RORA: variants seen among roughly 807,000 people sequenced by gnomAD.
RORA encodes nuclear receptor ROR-alpha.
RORA carries 7 observed loss-of-function variants against 69.5 expected under a neutral mutation model. The observed-to-expected ratio is 0.10, with a 90% CI of 0.06 to 0.19. RORA has a LOEUF of 0.19. RORA is among the 10% of genes least tolerant of loss of function. The pLI is 1.00. For missense variants in RORA, 457 were observed against 663.0 expected (o/e 0.69, Z 3.41); for synonymous variants, 261 against 240.8 (o/e 1.08, Z -0.78).
chr15:60,730,014 A>C (rs1262938086), intron 1 of RORA, among the ~76,000 whole-genome samples: 1 of 152,184 alleles, frequency 6.6e-6, no homozygotes, highest in Non-Finnish European at 1.5e-5. Flanking sequence ...GTCCCTTTTT[A>C]CATTTATCTC....
At chr15:60,845,871 C>A (rs899587713) in intron 1 of RORA, among the ~76,000 whole-genome samples, 1 of 152,122 alleles carries the variant, frequency 6.6e-6, no homozygotes, top group South Asian at 2.1e-4. Context: ...CTCAGCTTCC[C>A]GAGTAGCAGG....
intron 1 of RORA, among the ~76,000 whole-genome samples, chr15:60,951,274 G>A (rs1893084262): frequency 7.1e-6 from 1 of 139,948 alleles, no homozygotes; most frequent in African/African-American, 2.7e-5. Context: ...AGAATCTCTG[G>A]GACACATTCA....
intron 1 of RORA, among the ~76,000 whole-genome samples, chr15:61,044,538 T>C (rs1029477819): frequency 3.3e-5 from 5 of 152,260 alleles, no homozygotes; most frequent in African/African-American, 1.2e-4. Context: ...TTTTTTTACA[T>C]GAATTACACA....
chr15:60,870,029 T>C (rs1263316121), intron 1 of RORA, among the ~76,000 whole-genome samples: 1 of 152,224 alleles, frequency 6.6e-6, no homozygotes, highest in African/African-American at 2.4e-5. Context: ...CCAAGGAAAA[T>C]ATCTCCATGA....
chr15:61,105,582 G>A (rs1283401128), intron 1 of RORA, among the ~76,000 whole-genome samples: 3 of 152,050 alleles, frequency 2.0e-5, no homozygotes, highest in Admixed American at 6.6e-5. Flanking sequence ...CTCAACGATT[G>A]CCCCTCATCT....
chr15:60,531,754 A>T lies in RORA; in HGVS notation c.282+12T>A. Reference sequence around the variant, plus strand: ...AACATTAATAGAAACAACAACAATTAAAAAGGCTTACCTTGCAGCCTTCAC... The same window carrying T: ...AACATTAATAGAAACAACAACAATTTAAAAGGCTTACCTTGCAGCCTTCAC... On this transcript the variant is annotated intron_variant, in intron 3 of 10. Transcript: ENST00000335670. The surrounding 1 kb of genome is among the most constrained non-coding windows in gnomAD (Gnocchi z 4.8). The T allele has an allele frequency of 6.9e-7, 1 of 1,448,396 alleles. No homozygotes were observed. Among genetic ancestry groups the T allele is most frequent in the Non-Finnish European group, 9.5e-7 (1 of 1,051,448 alleles). The allele number at this position is 1,448,396 out of a possible 1,614,324, so 89.7% of individuals were successfully genotyped here.
Position 60,502,753 on chromosome 15 carries a change from C to G in RORA, c.1183+7G>C, listed in dbSNP as rs1335198837. The G allele has an allele frequency of 2.6e-6, 4 of 1,562,142 alleles. No individual in the cohort carries two copies. In the Admixed American group the frequency reaches 6.7e-5, roughly 26 times the overall value. ...TTTGAAGAAAAGGCACCTTGATATC[C>G]CCTTACCTAAGGATTTGAAGACGTC... is the stretch of plus-strand genomic sequence containing the variant. On this transcript the variant is annotated splice_region_variant and intron_variant, in intron 8 of 10. Transcript: ENST00000335670.
At chr15:60,586,950 T>A (rs922236559) in intron 2 of RORA, among the ~76,000 whole-genome samples, 6 of 152,142 alleles carry the variant, frequency 3.9e-5, no homozygotes, top group African/African-American at 1.4e-4. Flanking sequence ...CAAGAATAGA[T>A]CTACAATCAT....
chr15:60,631,082 G>A (rs1335266032), intron 2 of RORA, among the ~76,000 whole-genome samples: 1 of 151,920 alleles, frequency 6.6e-6, no homozygotes, highest in Non-Finnish European at 1.5e-5. Flanking sequence ...TAGAGACGGG[G>A]TTTTACCATG....
intron 1 of RORA, among the ~76,000 whole-genome samples, chr15:61,069,123 T>A (rs1221598975): frequency 3.3e-5 from 5 of 152,346 alleles, no homozygotes; most frequent in African/African-American, 1.2e-4. Flanking sequence ...TTGTATTGTT[T>A]ATTCAATGGT....
intron 1 of RORA, among the ~76,000 whole-genome samples, chr15:61,224,890 A>T (rs945609492): frequency 2.6e-5 from 4 of 152,170 alleles, no homozygotes; most frequent in African/African-American, 9.7e-5. Flanking sequence ...TCTCATCGTT[A>T]GGGGCTTCAA....
chr15:60,903,579 C>G (rs1891449871), intron 1 of RORA, among the ~76,000 whole-genome samples: 1 of 152,180 alleles, frequency 6.6e-6, no homozygotes, highest in African/African-American at 2.4e-5. Flanking sequence ...TTTTGAAATT[C>G]AGCTGGTGAA....
At chr15:60,569,593 CAG>C (rs1388528989) in intron 2 of RORA, among the ~76,000 whole-genome samples, 2 of 152,094 alleles carry the variant, frequency 1.3e-5, no homozygotes, top group East Asian at 3.8e-4. Flanking sequence ...AAGGGGGAAA[CAG>C]GGCAACAGCA....
chr15:60,632,263 A>C (rs964836343), intron 2 of RORA, among the ~76,000 whole-genome samples: 1 of 151,850 alleles, frequency 6.6e-6, no homozygotes, highest in Non-Finnish European at 1.5e-5. Context: ...CTGCCACTAC[A>C]CCCAGGTAAT....
chr15:60,602,812 C>T (rs2068849911), intron 2 of RORA, among the ~76,000 whole-genome samples: 2 of 152,132 alleles, frequency 1.3e-5, no homozygotes, highest in Non-Finnish European at 2.9e-5. Context: ...AAAACTCACC[C>T]TTTTTAGGAT....
intron 1 of RORA, among the ~76,000 whole-genome samples, chr15:61,151,778 T>C (rs1363437135): frequency 6.6e-6 from 1 of 152,218 alleles, no homozygotes; most frequent in Non-Finnish European, 1.5e-5. Context: ...GTACTTTAAA[T>C]TCAGCAGCTA....
intron 1 of RORA, among the ~76,000 whole-genome samples, chr15:60,923,780 G>A (rs1199344727): frequency 6.6e-6 from 1 of 152,112 alleles, no homozygotes; most frequent in African/African-American, 2.4e-5. Flanking sequence ...AGATCACAGT[G>A]GCAACAACCC....
intron 1 of RORA, among the ~76,000 whole-genome samples, chr15:61,062,564 G>A (rs2078201654): frequency 1.3e-5 from 2 of 152,220 alleles, no homozygotes; most frequent in African/African-American, 4.8e-5. Context: ...GATTCAGGCA[G>A]AGGAAACAGC....
chr15:60,964,788 G>A (rs927021415), intron 1 of RORA, among the ~76,000 whole-genome samples: 3 of 152,200 alleles, frequency 2.0e-5, no homozygotes, highest in African/African-American at 7.2e-5. Context: ...GGCAAAGAGC[G>A]CCACAGTTGC....
Sources: gnomAD v4.1 joint callset for allele counts (sites outside exome capture counted in the v4.1 genomes callset) on GRCh38, gnomAD v4.1.1 for gene constraint, Gnocchi (gnomAD v3.1) non-coding constraint, MANE v1.5 for transcripts, NCBI Gene and HGNC (gene_info 2026-07-23, HGNC 2026-07-21) for gene names.